The following LAS1L variants were observed in gnomAD, a reference collection of about 807,000 sequenced individuals.
LAS1L encodes ribosomal biogenesis protein LAS1L.
In LAS1L, 5 loss-of-function variants were observed where a neutral mutation model predicts 57.3. That is an observed-to-expected ratio of 0.09 (90% confidence interval 0.05 to 0.18). LAS1L has a LOEUF of 0.18. LAS1L is among the 10% of genes least tolerant of loss of function. The pLI is 1.00. For missense variants in LAS1L, 360 were observed against 568.3 expected (o/e 0.63, Z 3.73); for synonymous variants, 245 against 231.7 (o/e 1.06, Z -0.52).
In LAS1L at chrX:65,529,865, G is replaced by T; in HGVS notation, c.528C>A (p.Val176=). Residue 176 remains valine, a synonymous_variant, in exon 5 of 14, where the codon GTC becomes GTA. Transcript: ENST00000374811. ...INDCRRGCYF[V]LDWLQKTYWC... ...AATAGGTCTTCTGGAGCCAATCCAG[G>T]ACAAAGTAGCAGCCTAGAGGGGGGA... 4.1e-6 allele frequency: 5 copies of T among 1,211,436 alleles called. No individual in the cohort carries two copies. Among genetic ancestry groups the T allele is most frequent in the Non-Finnish European group, 5.6e-6 (5 of 895,265 alleles).
chrX:65,528,429 CT>C, intron 6 of LAS1L, 60 bp from the exon 7 acceptor site: 2 of 665,877 alleles, frequency 3.0e-6, no homozygotes, highest in Non-Finnish European at 2.4e-6. Context: ...ACCTCCACCC[CT>C]CCAGGATCCC....
chrX:65,529,242 C>T lies in LAS1L; in HGVS notation c.816G>A (p.Leu272=). 8.3e-7 allele frequency: 1 copy of T among 1,209,623 alleles called. No homozygotes were observed. The highest frequency in any genetic ancestry group is 3.0e-5 in the East Asian group (1 of 33,818). The change falls in exon 6 of 14, where the codon CTG becomes CTA. Residue 272 remains leucine, a synonymous_variant. Coordinates refer to ENST00000374811, the MANE Select transcript of LAS1L (RefSeq NM_031206.7). Reference sequence around the variant, plus strand: ...ACTGCTCCTCTTCGTATGATACCAGCAGTTCTCGGGCTCTTTCTGAAAACA... The same window carrying T: ...ACTGCTCCTCTTCGTATGATACCAGTAGTTCTCGGGCTCTTTCTGAAAACA... ...HKELYERARE[L]LVSYEEEQFT...
intron 1 of LAS1L, 36 bp from the exon 2 acceptor site, chrX:65,533,771 C>G: frequency 2.5e-6 from 3 of 1,201,144 alleles, no homozygotes; most frequent in Non-Finnish European, 3.4e-6. Context: ...CATAAAGAGC[C>G]CTTACACTGG....
intron 13 of LAS1L, among the ~76,000 whole-genome samples, chrX:65,513,655 A>T (rs1181325133): frequency 1.8e-5 from 2 of 112,423 alleles, no homozygotes; most frequent in African/African-American, 6.5e-5. Flanking sequence ...TCAGGGGTGG[A>T]GCTGAGACAA....
At chrX:65,531,700 C>G (rs2069503234) in intron 3 of LAS1L, among the ~76,000 whole-genome samples, 1 of 112,208 alleles carries the variant, frequency 8.9e-6, no homozygotes, top group Non-Finnish European at 1.9e-5. Flanking sequence ...GTAATCCCAG[C>G]ACTTTGGGAG....
Position 65,529,536 on chromosome X carries a change from A to G in LAS1L, c.799+58T>C, listed in dbSNP as rs1234404753. 4 of 1,108,786 alleles carry G rather than the reference A, an allele frequency of 3.6e-6. No individual in the cohort carries two copies. In the African/African-American group the frequency reaches 5.5e-5, roughly 15 times the overall value. The allele number at this position is 1,108,786 out of a possible 1,213,427, so 91.4% of individuals were successfully genotyped here. ...TGAGCCAGGGAAATAAACAGCGTTA[A>G]CCCTAAGCCTGAGCCTTCTGGGCTC... is the stretch of plus-strand genomic sequence containing the variant. On this transcript the variant is annotated intron_variant, in intron 5 of 13. Coordinates refer to ENST00000374811, the MANE Select transcript of LAS1L (RefSeq NM_031206.7).
intron 6 of LAS1L, among the ~76,000 whole-genome samples, chrX:65,528,914 G>A (rs955397739): frequency 8.9e-6 from 1 of 112,016 alleles, no homozygotes; most frequent in Non-Finnish European, 1.9e-5. Flanking sequence ...CTACTGGTCA[G>A]CTGCGGAATT....
In LAS1L at chrX:65,529,693, T is replaced by C. The variant is rs867813453; in HGVS notation, c.700A>G (p.Lys234Glu). The C allele has an allele frequency of 5.8e-6, 7 of 1,211,777 alleles. No individual in the cohort carries two copies. In the African/African-American group the frequency reaches 1.0e-4, roughly 18 times the overall value. Reference protein sequence around the residue: ...EQKPEPQDDGKSTESDVKADG... With the variant: ...EQKPEPQDDGESTESDVKADG... ...GCCTTTACATCTGACTCCGTACTTT[T>C]CCCATCATCCTGAGGCTCTGGTTTC... The change falls in exon 5 of 14, where the codon AAA becomes GAA. Residue 234 changes from lysine (K) to glutamate (E), a missense_variant. Physicochemically the swap from Lys to Glu is moderately conservative, Grantham distance 56. Around this residue, in one of 7 missense-constraint regions of LAS1L, gnomAD observed 51 missense variants for 43.1 expected, o/e 1.18. Transcript: ENST00000374811.
intron 13 of LAS1L, among the ~76,000 whole-genome samples, chrX:65,514,007 G>T (rs1419224750): frequency 8.9e-6 from 1 of 112,265 alleles, no homozygotes; most frequent in Non-Finnish European, 1.9e-5. Flanking sequence ...GGGGCCCCTG[G>T]ATTCTATAGC....
intron 12 of LAS1L, 52 bp from the exon 13 acceptor site, chrX:65,515,025 C>A: frequency 8.6e-7 from 1 of 1,156,155 alleles, no homozygotes; most frequent in Non-Finnish European, 1.2e-6. Flanking sequence ...GGTTCTCCGA[C>A]TGGTGCACAG....
chrX:65,528,985 C>T (rs961295465), intron 6 of LAS1L, among the ~76,000 whole-genome samples: 3 of 112,143 alleles, frequency 2.7e-5, no homozygotes, highest in East Asian at 2.8e-4. Flanking sequence ...GCAGATTATC[C>T]GCAAACTTCA....
At chrX:65,528,516 C>T in intron 6 of LAS1L, 147 bp from the exon 7 acceptor site, 1 of 432,758 alleles carries the variant, frequency 2.3e-6, no homozygotes, top group Non-Finnish European at 4.0e-6. Flanking sequence ...AACTCCCCTA[C>T]TGGCCTTGCA....
intron 10 of LAS1L, 54 bp downstream of exon 10, chrX:65,524,002 G>A: frequency 9.1e-7 from 1 of 1,093,968 alleles, no homozygotes; most frequent in South Asian, 1.9e-5. Flanking sequence ...GACAGTGGCA[G>A]AGGCTCCTGC....
rs750310232 is a variant in LAS1L at position 65,514,924 on chromosome X, G to A, written c.1977C>T (p.Thr659=). 12 of 1,210,244 alleles carry A rather than the reference G, an allele frequency of 9.9e-6. No homozygotes were observed. The highest frequency in any genetic ancestry group is 1.3e-5 in the Non-Finnish European group (12 of 894,471). Residue 659 remains threonine (T), a synonymous_variant, in exon 13 of 14, where the codon ACC becomes ACT. Coordinates refer to ENST00000374811, the MANE Select transcript of LAS1L (RefSeq NM_031206.7). ...TFPLGRMPGQ[T]EDPAELMLEN... ...CCAGCATGAGCTCTGCTGGGTCCTC[G>A]GTCTGACCTGGCATTCGGCCTAGGG... is the stretch of plus-strand genomic sequence containing the variant.
At position 65,512,863 on chromosome X, in the gene LAS1L, C is replaced by T. The variant is rs1393245424; in HGVS notation, c.2117G>A (p.Cys706Tyr). ...GLSCGVGSGN[C>Y]SNSSSSNFEG... The stretch of plus-strand genomic sequence containing the variant: ...GAAGTTGCTGCTGCTGCTGTTGCTG[C>T]AGTTGCCACTGCCGACACCACAGCT... The change falls in exon 14 of 14, where the codon TGC (cysteine) becomes TAC (tyrosine). Residue 706 changes from cysteine (C) to tyrosine (Y), a missense_variant. This residue lies in a region of LAS1L where 123 missense variants were observed against 168.3 expected (regional missense o/e 0.73). Coordinates refer to ENST00000374811, the MANE Select transcript of LAS1L (RefSeq NM_031206.7). 8.6e-7 allele frequency: 1 copy of T among 1,166,315 alleles called. No homozygotes were observed. Among genetic ancestry groups the T allele is most frequent in the African/African-American group, 1.8e-5 (1 of 55,851 alleles).
chrX:65,533,580 A>G, intron 2 of LAS1L, 30 bp downstream of exon 2: 1 of 1,203,198 alleles, frequency 8.3e-7, no homozygotes. Context: ...CCCAAAGCCA[A>G]CCTCCACCCC....
rs188766357 is a variant in LAS1L at position 65,524,087 on chromosome X, G to A, written c.1269C>T (p.Thr423=). 3.4e-5 allele frequency: 41 copies of A among 1,209,379 alleles called. 1 individual carries two copies. The highest frequency in any genetic ancestry group is 4.6e-4 in the Middle Eastern group (2 of 4,349). The part of the protein sequence containing the change: ...GIRPTYILRW[T]VELIVANTKT... ...TGGTGTTGGCCACGATCAGTTCAACGGTCCATCTGAGGATGTAGGTAGGCC... is the reference window on the plus strand; with the variant it reads ...TGGTGTTGGCCACGATCAGTTCAACAGTCCATCTGAGGATGTAGGTAGGCC... Residue 423 remains threonine (T), a synonymous_variant, in exon 10 of 14, where the codon ACC becomes ACT. Transcript: ENST00000374811.
chrX:65,524,573 T>C lies in LAS1L; in HGVS notation c.1084A>G (p.Lys362Glu). ...EVQRGEGTDPKSHKNVDLNDV... is the reference protein window; with the variant it reads ...EVQRGEGTDPESHKNVDLNDV... ...TTTGTCAATAACTCACTGTGTGACT[T>C]TGGGTCAGTACCTTCCCCTCTCTGG... is the stretch of plus-strand genomic sequence containing the variant. The change falls in exon 9 of 14, where the codon AAG (lysine) becomes GAG (glutamate). Residue 362 changes from lysine to glutamate, a missense_variant. Around this residue, in one of 7 missense-constraint regions of LAS1L, gnomAD observed 81 missense variants for 192.1 expected, o/e 0.42. Transcript: ENST00000374811. The C allele has an allele frequency of 1.9e-6, 1 of 527,054 alleles. No individual in the cohort carries two copies. Among genetic ancestry groups the C allele is most frequent in the East Asian group, 3.6e-5 (1 of 27,752 alleles). The allele number at this position is 527,054 out of a possible 1,213,427, so 43.4% of individuals were successfully genotyped here. A position where few individuals can be genotyped will look rare whatever the true frequency, so the allele number is the denominator to read the frequency against.
chrX:65,518,719 G>A (rs772803834), intron 11 of LAS1L: 1 of 568,947 alleles, frequency 1.8e-6, no homozygotes, highest in Non-Finnish European at 2.1e-6. Flanking sequence ...ATTGTTGGGA[G>A]GAGTAAATAA....
Sources: allele counts gnomAD v4.1 joint callset (sites outside exome capture counted in the v4.1 genomes callset), GRCh38; gene constraint gnomAD v4.1.1; regional missense constraint gnomAD v4.1.1; transcripts MANE v1.5; gene names NCBI Gene and HGNC (gene_info 2026-07-23, HGNC 2026-07-21).